The following RSF1 variants were observed in gnomAD, a reference collection of about 807,000 sequenced individuals.
RSF1 encodes HBV pX-associated protein 8.
A neutral mutation model predicts 145.2 loss-of-function variants in RSF1; 13 were observed. The observed-to-expected ratio is 0.09, with a 90% CI of 0.06 to 0.14. The LOEUF is 0.14. Ranked by LOEUF, RSF1 falls within the 10% of genes least tolerant of loss-of-function variation. The pLI is 1.00. For missense variants in RSF1, 1,517 were observed against 1,718.2 expected (o/e 0.88, Z 2.07); for synonymous variants, 577 against 592.6 (o/e 0.97, Z 0.38).
the RSF1 span, among the ~76,000 whole-genome samples, chr11:77,862,301 C>T: frequency 6.6e-6 from 1 of 152,134 alleles, no homozygotes; most frequent in African/African-American, 2.4e-5. Flanking sequence ...TCTCATTTGG[C>T]GTTAGTGTCT....
At chr11:77,832,993 G>C in the RSF1 span, among the ~76,000 whole-genome samples, 1 of 53,550 alleles carries the variant, frequency 1.9e-5, no homozygotes, top group African/African-American at 9.7e-5. Context: ...GTGTGTGTGT[G>C]TGTGTATATA....
At position 77,814,595 on chromosome 11, in the gene RSF1, G is replaced by A. The variant is rs117055886; in HGVS notation, c.187+5933C>T. Among the ~76,000 whole-genome samples the A allele has an allele frequency of 1.9e-3, 285 of 152,202 alleles. 6 individuals carry two copies. The East Asian group carries it at 0.047, about 25-fold the overall frequency. On this transcript the variant is annotated intron_variant, in intron 1 of 15. Coordinates refer to ENST00000308488, the MANE Select transcript of RSF1 (RefSeq NM_016578.4). ...CGAGTAGCTGGGATTACAGGCGCCT[G>A]ACACCAGGTCTGACTAATTTTTGTA...
At chr11:77,781,628 G>A (rs140071669) in intron 1 of RSF1, among the ~76,000 whole-genome samples, 1 of 152,274 alleles carries the variant, frequency 6.6e-6, no homozygotes, top group Non-Finnish European at 1.5e-5. Flanking sequence ...AACACTTGAG[G>A]TGTCAGTCAT....
chr11:77,808,281 G>A (rs1416857629), intron 1 of RSF1, among the ~76,000 whole-genome samples: 3 of 151,858 alleles, frequency 2.0e-5, no homozygotes, highest in Non-Finnish European at 2.9e-5. Context: ...GCAGTGAGCC[G>A]AGATCATGCC....
At chr11:77,811,379 C>T (rs1362727428) in intron 1 of RSF1, among the ~76,000 whole-genome samples, 2 of 152,218 alleles carry the variant, frequency 1.3e-5, no homozygotes, top group African/African-American at 4.8e-5. Flanking sequence ...GTAAGAAACC[C>T]TGTCCTCAAA....
At position 77,683,939 on chromosome 11, in the gene RSF1, G is replaced by T. The variant is rs1590827858; in HGVS notation, c.2956-120C>A. 4.6e-6 allele frequency: 3 copies of T among 648,366 alleles called. No individual in the cohort carries two copies. In the East Asian group the frequency reaches 8.2e-5, roughly 18 times the overall value. The allele number at this position is 648,366 out of a possible 1,614,324, so 40.2% of individuals were successfully genotyped here. A position where few individuals can be genotyped will look rare whatever the true frequency, so the allele number is the denominator to read the frequency against. On this transcript the variant is annotated intron_variant, in intron 10 of 15. Coordinates refer to ENST00000308488, the MANE Select transcript of RSF1 (RefSeq NM_016578.4). ...ATGTGAAAGGTCTGAAAAAGTTTGA[G>T]ATGATCCCCTCCAAAAGTGAATAAA...
chr11:77,810,196 C>A (rs528139637), intron 1 of RSF1, among the ~76,000 whole-genome samples: 2 of 152,324 alleles, frequency 1.3e-5, no homozygotes, highest in Non-Finnish European at 2.9e-5. Context: ...ATTCATCCAA[C>A]CTTACCCTCC....
intron 1 of RSF1, among the ~76,000 whole-genome samples, chr11:77,809,964 C>T (rs1385369658): frequency 6.6e-6 from 1 of 152,204 alleles, no homozygotes; most frequent in Non-Finnish European, 1.5e-5. Context: ...AAGTATCAAA[C>T]TCCCTGAGAT....
At chr11:77,770,245 G>A (rs939932420) in intron 1 of RSF1, among the ~76,000 whole-genome samples, 5 of 152,088 alleles carry the variant, frequency 3.3e-5, no homozygotes, top group Non-Finnish European at 5.9e-5. Flanking sequence ...GGTGGATCAC[G>A]AGGTCAGGAG....
chr11:77,706,802 T>G (rs1438481252), intron 5 of RSF1, among the ~76,000 whole-genome samples: 1 of 152,166 alleles, frequency 6.6e-6, no homozygotes, highest in African/African-American at 2.4e-5. Flanking sequence ...GATATGTAGT[T>G]TTTTGATCCT....
chr11:77,717,632 T>A (rs1355005540), intron 5 of RSF1: 1 of 152,230 alleles, frequency 6.6e-6, no homozygotes, highest in Non-Finnish European at 1.5e-5. Context: ...CTGTGTTGTG[T>A]AGCTCATTTA....
intron 4 of RSF1, among the ~76,000 whole-genome samples, chr11:77,730,741 C>T (rs1030665769): frequency 4.6e-5 from 7 of 152,126 alleles, no homozygotes; most frequent in Non-Finnish European, 1.0e-4. Flanking sequence ...ATGAGTCTCA[C>T]GAGATCTGAT....
Position 77,700,999 on chromosome 11 carries a change from T to C in RSF1, c.2230A>G (p.Lys744Glu), listed in dbSNP as rs1960406996. 1 of 1,613,682 alleles carries C rather than the reference T, an allele frequency of 6.2e-7. No individual in the cohort carries two copies. The highest frequency in any genetic ancestry group is 8.5e-7 in the Non-Finnish European group (1 of 1,180,024). The stretch of plus-strand genomic sequence containing the variant: ...ACTTTGGGGGGAGAATCGGGCTTCT[T>C]TTTCCGACTTGATATCCTGATTGTT... ...KLTIRISSRK[K>E]KPDSPPKVLE... is the part of the protein sequence containing the mutation. Residue 744 changes from lysine (K) to glutamate (E), a missense_variant, in exon 6 of 16, where the codon AAG becomes GAG. Coordinates refer to ENST00000308488, the MANE Select transcript of RSF1 (RefSeq NM_016578.4).
Position 77,666,305 on chromosome 11 carries a change from C to T in RSF1, c.*612G>A, listed in dbSNP as rs1270191341. ...AAAATTTAGGTTAATTATGATGGTA[C>T]TTTCACTGTCTCTTCTTTATTAAGT... On this transcript the variant is annotated 3_prime_UTR_variant, in exon 16 of 16. Transcript: ENST00000308488. The T allele has an allele frequency of 6.6e-6, 1 of 152,460 alleles. No homozygotes were observed. Among genetic ancestry groups the T allele is most frequent in the East Asian group, 1.9e-4 (1 of 5,192 alleles). The allele number at this position is 152,460 out of a possible 1,614,324, so 9.4% of individuals were successfully genotyped here. A position where few individuals can be genotyped will look rare whatever the true frequency, so the allele number is the denominator to read the frequency against.
At chr11:77,818,404 T>C (rs889732830) in intron 1 of RSF1, among the ~76,000 whole-genome samples, 1 of 152,188 alleles carries the variant, frequency 6.6e-6, no homozygotes, top group Non-Finnish European at 1.5e-5. Context: ...CAGTTCGTTC[T>C]CTGAGAGATA....
chr11:77,786,693 G>A (rs916683972), intron 1 of RSF1, among the ~76,000 whole-genome samples: 2 of 151,974 alleles, frequency 1.3e-5, no homozygotes, highest in African/African-American at 4.8e-5. Flanking sequence ...CAAGATGGTG[G>A]GCTCACCCTC....
chr11:77,748,544 G>C (rs955286273), intron 2 of RSF1, among the ~76,000 whole-genome samples: 2 of 151,968 alleles, frequency 1.3e-5, no homozygotes, highest in African/African-American at 2.4e-5. Flanking sequence ...AGAAAAAAAA[G>C]GATATACAGA....
At chr11:77,753,477 C>T (rs1453347871) in intron 2 of RSF1, among the ~76,000 whole-genome samples, 1 of 152,332 alleles carries the variant, frequency 6.6e-6, no homozygotes, top group Non-Finnish European at 1.5e-5. Flanking sequence ...ATAGAGGAGC[C>T]TGAACTGGCT....
At chr11:77,867,243 T>C in the RSF1 span, among the ~76,000 whole-genome samples, 1 of 152,332 alleles carries the variant, frequency 6.6e-6, no homozygotes, top group Admixed American at 6.5e-5. Context: ...GTTATCTCTT[T>C]GATAATTTCA....
Sources: allele counts gnomAD v4.1 joint callset (sites outside exome capture counted in the v4.1 genomes callset), GRCh38; gene constraint gnomAD v4.1.1; transcripts MANE v1.5; gene names NCBI Gene and HGNC (gene_info 2026-07-23, HGNC 2026-07-21).